INTS3: variants seen among roughly 807,000 people sequenced by gnomAD.
INTS3 encodes integrator complex subunit 3.
Under a neutral mutation model 146.3 loss-of-function variants are expected in INTS3, and 34 were observed. The ratio of observed to expected loss-of-function variants is 0.23; its 90% CI spans 0.18 to 0.31. The LOEUF (loss-of-function observed/expected upper bound fraction) is 0.31. INTS3 is among the 10% of genes least tolerant of loss of function. The pLI, the probability that INTS3 is intolerant of heterozygous loss-of-function variation, is 1.00. For missense variants in INTS3, 757 were observed against 1,304.2 expected, an observed-to-expected ratio of 0.58 and a Z score of 6.46; for synonymous variants, 475 against 494.9, an observed-to-expected ratio of 0.96 and a Z score of 0.53.
At chr1:153,761,898 G>A (rs550843135) in intron 14 of INTS3, among the ~76,000 whole-genome samples, 1 of 152,252 alleles carries the variant, frequency 6.6e-6, no homozygotes, top group African/African-American at 2.4e-5. Flanking sequence ...CATCTTTCTT[G>A]TTCTCTTAAC....
rs188082742 is a variant in INTS3 at position 153,771,304 on chromosome 1, T to C, written c.2553-492T>C. Among the ~76,000 whole-genome samples, 20 of 152,336 alleles carry C rather than the reference T, an allele frequency of 1.3e-4. No homozygotes were observed. In the East Asian group the frequency reaches 3.9e-3, roughly 29 times the overall value. On this transcript the variant is annotated intron_variant, in intron 25 of 29. Coordinates refer to ENST00000318967, the MANE Select transcript of INTS3 (RefSeq NM_023015.5). ...CTACCTTTCTGCCTTCCTTCCACCCTTTCTGCTCTCTTGCCTGAGAGACTA... is the reference window on the plus strand; with the variant it reads ...CTACCTTTCTGCCTTCCTTCCACCCCTTCTGCTCTCTTGCCTGAGAGACTA...
rs73013765 is a variant in INTS3 at position 153,765,144 on chromosome 1, T to C, written c.2090+81T>C. On this transcript the variant is annotated intron_variant, in intron 20 of 29. Transcript: ENST00000318967. ...CTTCCACACGCTGACTCCCCAACCC[T>C]GGACTGTCATCACCAGGGCCTTCTT... 524 of 1,483,564 alleles carry C rather than the reference T, an allele frequency of 3.5e-4. 1 individual carries two copies. The African/African-American group carries it at 5.7e-3, about 16-fold the overall frequency. The allele number at this position is 1,483,564 out of a possible 1,614,324, so 91.9% of individuals were successfully genotyped here.
Position 153,728,438 on chromosome 1 carries a change from C to A in INTS3, c.-197C>A. 1 of 596,100 alleles carries A rather than the reference C, an allele frequency of 1.7e-6. No individual in the cohort carries two copies. The highest frequency in any genetic ancestry group is 2.4e-5 in the South Asian group (1 of 42,224). 36.9% of individuals were successfully genotyped at this position (596,100 alleles called of 1,614,324 possible). A position where few individuals can be genotyped will look rare whatever the true frequency, so the allele number is the denominator to read the frequency against. ...GCACTGCCACCCCAGAGTCAGGACC[C>A]AGAGGACTGTGCCTTCGCCCCCAAC... On this transcript the variant is annotated 5_prime_UTR_variant, in exon 1 of 30. Coordinates refer to ENST00000318967, the MANE Select transcript of INTS3 (RefSeq NM_023015.5).
In INTS3 at chr1:153,754,716, A is replaced by G. The variant is rs1318693434; in HGVS notation, c.934A>G (p.Lys312Glu). The G allele has an allele frequency of 6.2e-7, 1 of 1,611,560 alleles. No individual in the cohort carries two copies. Among genetic ancestry groups the G allele is most frequent in the Non-Finnish European group, 8.5e-7 (1 of 1,177,624 alleles). Residue 312 changes from lysine to glutamate, a missense_variant, in exon 9 of 30, where the codon AAA becomes GAA. Coordinates refer to ENST00000318967, the MANE Select transcript of INTS3 (RefSeq NM_023015.5). ...TCGTCTAACCCCGGACATGGAGACTAAACTCCTCTTCATGACATCCCGGGT... is the reference window on the plus strand; with the variant it reads ...TCGTCTAACCCCGGACATGGAGACTGAACTCCTCTTCATGACATCCCGGGT... ...ACRLTPDMET[K>E]LLFMTSRVRF...
At chr1:153,728,919 G>GAGAT in intron 1 of INTS3, 135 bp downstream of exon 1, 1 of 599,698 alleles carries the variant, frequency 1.7e-6, no homozygotes, top group South Asian at 2.1e-5. Flanking sequence ...CACAAACACT[G>GAGAT]CTCCAGCTTC....
chr1:153,767,897 A>C, intron 21 of INTS3, 70 bp downstream of exon 21: 1 of 1,459,322 alleles, frequency 6.9e-7, no homozygotes, highest in Non-Finnish European at 9.2e-7. Flanking sequence ...CTCTGAGTAC[A>C]CACAACCCTG....
At chr1:153,766,465 T>G (rs934116796) in intron 20 of INTS3, 1 of 151,624 alleles carries the variant, frequency 6.6e-6, no homozygotes, top group African/African-American at 2.4e-5. Flanking sequence ...ATCCAGTTAA[T>G]TTTTGTATTT....
At chr1:153,765,290 A>G (rs896017604) in intron 20 of INTS3, among the ~76,000 whole-genome samples, 10 of 152,156 alleles carry the variant, frequency 6.6e-5, no homozygotes, top group Non-Finnish European at 1.5e-5. Context: ...GGCTCAAGCC[A>G]TCCTCCCCCC....
intron 1 of INTS3, among the ~76,000 whole-genome samples, chr1:153,731,030 C>A (rs1036474559): frequency 9.9e-5 from 15 of 152,068 alleles, no homozygotes; most frequent in Non-Finnish European, 4.4e-5. Flanking sequence ...CACAGACCTA[C>A]CTATTGCCCA....
chr1:153,746,712 T>C (rs947325470), intron 3 of INTS3: 2 of 444,754 alleles, frequency 4.5e-6, no homozygotes, highest in Non-Finnish European at 8.0e-6. Context: ...CCCAGCAGGC[T>C]TTTCTGCCTC....
At chr1:153,748,667 T>A in intron 5 of INTS3, 22 bp from the exon 6 acceptor site, 9 of 1,607,756 alleles carry the variant, frequency 5.6e-6, no homozygotes, top group Non-Finnish European at 6.8e-6. Flanking sequence ...GAGCTATTCT[T>A]TTTTTCCCCT....
At chr1:153,733,619 T>G (rs969746119) in intron 1 of INTS3, among the ~76,000 whole-genome samples, 2 of 151,804 alleles carry the variant, frequency 1.3e-5, no homozygotes, top group Non-Finnish European at 2.9e-5. Flanking sequence ...ATGCTTTTTT[T>G]TGTGGGGAGA....
chr1:153,750,440 C>T (rs180682149), intron 6 of INTS3, among the ~76,000 whole-genome samples: 3 of 152,230 alleles, frequency 2.0e-5, no homozygotes, highest in African/African-American at 4.8e-5. Flanking sequence ...CACCCAAAAT[C>T]GGGTTCTTTT....
chr1:153,749,758 CTT>C (rs1176123953), intron 6 of INTS3, among the ~76,000 whole-genome samples: 1 of 152,214 alleles, frequency 6.6e-6, no homozygotes, highest in East Asian at 1.9e-4. Flanking sequence ...CTTTCTTTCT[CTT>C]TATTATGCCA....
rs773677200 is a variant in INTS3 at position 153,770,339 on chromosome 1, A to G, written c.2503+28A>G. 7 of 1,334,950 alleles carry G rather than the reference A, an allele frequency of 5.2e-6. No homozygotes were observed. The Admixed American group carries it at 1.0e-4, about 19-fold the overall frequency. The allele number at this position is 1,334,950 out of a possible 1,614,324, so 82.7% of individuals were successfully genotyped here. The stretch of plus-strand genomic sequence containing the variant: ...GAGTAGGCTTTTGGGTAGGGAGCAC[A>G]TCAGATATGACACTTCCTATACAGT... On this transcript the variant is annotated intron_variant, in intron 24 of 29. Coordinates refer to ENST00000318967, the MANE Select transcript of INTS3 (RefSeq NM_023015.5).
intron 5 of INTS3, chr1:153,747,586 T>C: frequency 1.7e-6 from 1 of 585,124 alleles, no homozygotes; most frequent in Non-Finnish European, 3.0e-6. Flanking sequence ...TTTTCTTTCC[T>C]GCTAAACCCA....
At position 153,757,866 on chromosome 1, in the gene INTS3, C is replaced by T. The variant is rs544097109; in HGVS notation, c.1149+103C>T. 2.3e-6 allele frequency: 2 copies of T among 857,568 alleles called. No individual in the cohort carries two copies. Among genetic ancestry groups the T allele is most frequent in the Non-Finnish European group, 3.7e-6 (2 of 538,292 alleles). The allele number at this position is 857,568 out of a possible 1,614,324, so 53.1% of individuals were successfully genotyped here. A position where few individuals can be genotyped will look rare whatever the true frequency, so the allele number is the denominator to read the frequency against. Reference sequence around the variant, plus strand: ...CAGGGCCACTTGACCCCTAAGGGCCCTTCTTTCACTCTGGTCTTCCAGAGT... The same window carrying T: ...CAGGGCCACTTGACCCCTAAGGGCCTTTCTTTCACTCTGGTCTTCCAGAGT... On this transcript the variant is annotated intron_variant, in intron 10 of 29. Transcript: ENST00000318967. This position sits in a 1 kb window ranked among gnomAD's most constrained non-coding sequence, Gnocchi z 4.0.
intron 3 of INTS3, among the ~76,000 whole-genome samples, chr1:153,742,981 T>G (rs1373194960): frequency 6.6e-6 from 1 of 152,188 alleles, no homozygotes; most frequent in African/African-American, 2.4e-5. Flanking sequence ...TCAGGCCTCT[T>G]CAGACAAAGG....
intron 25 of INTS3, among the ~76,000 whole-genome samples, chr1:153,771,027 T>A (rs1672834242): frequency 6.6e-6 from 1 of 151,516 alleles, no homozygotes; most frequent in African/African-American, 2.4e-5. Flanking sequence ...TGGCTCCTGC[T>A]CCCCGCCGCG....
Sources: gnomAD v4.1 joint callset for allele counts (sites outside exome capture counted in the v4.1 genomes callset) on GRCh38, gnomAD v4.1.1 for gene constraint, Gnocchi (gnomAD v3.1) non-coding constraint, MANE v1.5 for transcripts, NCBI Gene and HGNC (gene_info 2026-07-23, HGNC 2026-07-21) for gene names.